ZNF516: variants seen among roughly 807,000 people sequenced by gnomAD.
ZNF516 encodes the protein zinc finger protein 516.
ZNF516 carries 19 observed loss-of-function variants against 79.7 expected under a neutral mutation model. That is an observed-to-expected ratio of 0.24 (90% CI 0.17 to 0.35). ZNF516 has a LOEUF of 0.35. Ranked by LOEUF, ZNF516 falls within the 10% of genes least tolerant of loss-of-function variation. The probability of loss-of-function intolerance (pLI) is 1.00; values close to 1 mark genes in which losing one functional copy is unlikely to be tolerated. For synonymous variants in ZNF516, 877 were observed against 739.5 expected, an observed-to-expected ratio of 1.19 and a Z score of -3.02; for missense variants, 1,678 against 1,679.5, an observed-to-expected ratio of 1.00 and a Z score of 0.02.
rs549589201 is a variant in ZNF516 at position 76,361,070 on chromosome 18, C to G, written c.*1428G>C. 1 of 151,790 alleles carries G rather than the reference C, an allele frequency of 6.6e-6. No homozygotes were observed. The highest frequency in any genetic ancestry group is 1.5e-5 in the Non-Finnish European group (1 of 67,984). The allele number at this position is 151,790 out of a possible 1,614,324, so 9.4% of individuals were successfully genotyped here. The stretch of plus-strand genomic sequence containing the variant: ...ATATATTTAGCATGCTCGTTTTAAT[C>G]CATTTCCTGCCTTTACAAAATTTCA... On this transcript the variant is annotated 3_prime_UTR_variant, in exon 7 of 7. Coordinates refer to ENST00000443185, the MANE Select transcript of ZNF516 (RefSeq NM_014643.4).
intron 2 of ZNF516, among the ~76,000 whole-genome samples, chr18:76,460,678 C>T (rs1913044619): frequency 6.6e-6 from 1 of 152,172 alleles, no homozygotes; most frequent in African/African-American, 2.4e-5. Flanking sequence ...GACAGCTCTA[C>T]TCTGCTTCTG....
chr18:76,453,533 C>T (rs1389516584), intron 2 of ZNF516, among the ~76,000 whole-genome samples: 1 of 152,148 alleles, frequency 6.6e-6, no homozygotes, highest in Non-Finnish European at 1.5e-5. Flanking sequence ...ACCTAGGGAA[C>T]ACCAGAGAAA....
chr18:76,405,992 C>G (rs2075299639), intron 3 of ZNF516, among the ~76,000 whole-genome samples: 1 of 152,076 alleles, frequency 6.6e-6, no homozygotes, highest in Non-Finnish European at 1.5e-5. Context: ...ATGCCTGGCC[C>G]TCACACCAAC....
chr18:76,464,708 C>T (rs1016750186), intron 1 of ZNF516, among the ~76,000 whole-genome samples: 5 of 149,800 alleles, frequency 3.3e-5, no homozygotes, highest in African/African-American at 1.2e-4. Context: ...CCCTGGCACC[C>T]CCAGCCTGGC....
At chr18:76,489,630 G>A (rs1028872142) in intron 1 of ZNF516, among the ~76,000 whole-genome samples, 2 of 151,240 alleles carry the variant, frequency 1.3e-5, no homozygotes, top group Non-Finnish European at 2.9e-5. Context: ...GGACTTCAGG[G>A]TTCCAGGAAA....
chr18:76,442,643 T>C lies in ZNF516; in HGVS notation c.412A>G (p.Arg138Gly). 4 of 1,589,482 alleles carry C rather than the reference T, an allele frequency of 2.5e-6. No homozygotes were observed. The highest frequency in any genetic ancestry group is 1.1e-5 in the South Asian group (1 of 89,724). The change falls in exon 3 of 7, where the codon AGG (arginine) becomes GGG (glycine). Residue 138 changes from arginine (R) to glycine (G), a missense_variant. Transcript: ENST00000443185. ...GCCTGCGAGGCCCCGTTCAGGACCC[T>C]GGCGCCGTCGGCCTGCGAGGCCCCG... ...LNGASQADGA[R>G]VLNGASQADS...
At chr18:76,422,390 A>C (rs1332440269) in intron 3 of ZNF516, among the ~76,000 whole-genome samples, 2 of 152,238 alleles carry the variant, frequency 1.3e-5, no homozygotes, top group Non-Finnish European at 2.9e-5. Context: ...CAGGCTATGG[A>C]GCAGAGCTGC....
At chr18:76,489,856 C>G (rs1915060254) in intron 1 of ZNF516, among the ~76,000 whole-genome samples, 1 of 152,098 alleles carries the variant, frequency 6.6e-6, no homozygotes, top group Admixed American at 6.5e-5. Context: ...GGCATAACTC[C>G]CATCTCTCTG....
At chr18:76,414,163 C>A (rs75124228) in intron 3 of ZNF516, among the ~76,000 whole-genome samples, 2 of 152,092 alleles carry the variant, frequency 1.3e-5, no homozygotes, top group Non-Finnish European at 2.9e-5. Flanking sequence ...TTAGTGAAAT[C>A]CTTCATTGTT....
intron 4 of ZNF516, among the ~76,000 whole-genome samples, chr18:76,376,417 G>A (rs932124633): frequency 1.3e-5 from 2 of 151,898 alleles, no homozygotes; most frequent in African/African-American, 4.8e-5. Flanking sequence ...TAAATTTGCT[G>A]ACTCACACTA....
At chr18:76,487,879 C>T (rs552050401) in intron 1 of ZNF516, 3 of 960,102 alleles carry the variant, frequency 3.1e-6, no homozygotes, top group South Asian at 4.8e-5. Flanking sequence ...ACTACACTTT[C>T]GGCCAGTCAG....
At chr18:76,453,139 A>G (rs1483018849) in intron 2 of ZNF516, among the ~76,000 whole-genome samples, 1 of 152,214 alleles carries the variant, frequency 6.6e-6, no homozygotes, top group Non-Finnish European at 1.5e-5. Flanking sequence ...AAATAACAGG[A>G]TCCAGAGCCT....
chr18:76,462,499 G>GC (rs921251742), intron 2 of ZNF516, among the ~76,000 whole-genome samples: 16 of 152,180 alleles, frequency 1.1e-4, no homozygotes, highest in African/African-American at 3.9e-4. Flanking sequence ...ACCGAAACCT[G>GC]CCCCCGTGCG....
rs963335007 is a variant in ZNF516, at chr18:76,438,232, A to G, written c.1810+3013T>C. 1.4e-4 allele frequency among the ~76,000 whole-genome samples: 22 copies of G among 152,294 alleles called. No homozygotes were observed. In the South Asian group the frequency reaches 1.4e-3, roughly 10 times the overall value. On this transcript the variant is annotated intron_variant, in intron 3 of 6. Coordinates refer to ENST00000443185, the MANE Select transcript of ZNF516 (RefSeq NM_014643.4). ...CTCTCTGCATGCTTCTGTTATTCCT[A>G]AGTCGCCTAAATGCTTTCTGAGCAG...
chr18:76,492,417 C>A, intron 1 of ZNF516: 1 of 966,574 alleles, frequency 1.0e-6, no homozygotes, highest in Non-Finnish European at 1.2e-6. Context: ...GCAGCCAGGG[C>A]GCAGCGTTCA....
intron 3 of ZNF516, among the ~76,000 whole-genome samples, chr18:76,436,940 G>A (rs1283432865): frequency 6.6e-6 from 1 of 152,064 alleles, no homozygotes; most frequent in Non-Finnish European, 1.5e-5. Context: ...TGTGGTGACC[G>A]CCTGTAGTCC....
intron 1 of ZNF516, among the ~76,000 whole-genome samples, chr18:76,466,733 G>A (rs1305545231): frequency 6.6e-6 from 1 of 152,234 alleles, no homozygotes; most frequent in South Asian, 2.1e-4. Flanking sequence ...CTACAGTGGG[G>A]GCTGGAAAAG....
upstream of ZNF516, chr18:76,495,738 A>G (rs1391879290): frequency 8.5e-7 from 1 of 1,173,456 alleles, no homozygotes; most frequent in Non-Finnish European, 1.1e-6. Flanking sequence ...GTACCTGGGC[A>G]CTGCGCCCCA....
At chr18:76,371,750 C>T (rs1599136183) in intron 4 of ZNF516, among the ~76,000 whole-genome samples, 179 bp from the exon 5 acceptor site, 1 of 152,322 alleles carries the variant, frequency 6.6e-6, no homozygotes, top group East Asian at 1.9e-4. Flanking sequence ...GCTCTGCTGA[C>T]AGGCCAGGCA....
Sources: gnomAD v4.1 joint callset for allele counts (sites outside exome capture counted in the v4.1 genomes callset) on GRCh38, gnomAD v4.1.1 for gene constraint, MANE v1.5 for transcripts, NCBI Gene and HGNC (gene_info 2026-07-23, HGNC 2026-07-21) for gene names.